The following CD99 variants were observed in gnomAD, a reference collection of about 807,000 sequenced individuals.
CD99 encodes the protein CD99 antigen.
In CD99, 19 loss-of-function variants were observed where a neutral mutation model predicts 28.4. The observed-to-expected ratio is 0.67, with a 90% CI of 0.47 to 0.98. CD99 has a LOEUF of 0.98. Ranked by LOEUF, CD99 falls within the 50% of genes least tolerant of loss-of-function variation. The probability of loss-of-function intolerance (pLI) is 0.00; values close to 1 mark genes in which losing one functional copy is unlikely to be tolerated. For synonymous variants in CD99, 103 were observed against 92.1 expected (o/e 1.12, Z -0.67); for missense variants, 283 against 248.8 (o/e 1.14, Z -0.92).
intron 8 of CD99, among the ~76,000 whole-genome samples, chrX:2,736,976 T>A (rs2049976875): frequency 6.6e-6 from 1 of 152,014 alleles, no homozygotes; most frequent in Non-Finnish European, 1.5e-5. Flanking sequence ...CTTGGCTGTC[T>A]TGTCCTTTGA....
intron 1 of CD99, chrX:2,691,708 T>G: frequency 1.4e-6 from 1 of 705,200 alleles, no homozygotes; most frequent in Non-Finnish European, 2.6e-6. Flanking sequence ...GCGTCCGATT[T>G]TTCCCAATCT....
chrX:2,720,318 A>G, intron 4 of CD99, 38 bp from the exon 5 acceptor site: 1 of 1,591,760 alleles, frequency 6.3e-7, no homozygotes, highest in South Asian at 1.1e-5. Context: ...CTTTACTGCA[A>G]GGCACTTAAA....
At chrX:2,738,491 A>C (rs1460734867) in intron 9 of CD99, among the ~76,000 whole-genome samples, 1 of 152,110 alleles carries the variant, frequency 6.6e-6, no homozygotes, top group Non-Finnish European at 1.5e-5. Flanking sequence ...GTCTCTGTTT[A>C]ACAAAATATT....
intron 1 of CD99, among the ~76,000 whole-genome samples, chrX:2,705,290 A>G (rs1433327099): frequency 6.6e-6 from 1 of 152,214 alleles, no homozygotes; most frequent in Non-Finnish European, 1.5e-5. Flanking sequence ...ATATGCAGTC[A>G]CTGGCACACA....
rs1396443584 is a variant in CD99, at chrX:2,733,562, T to C, written c.476-4638T>C. On this transcript the variant is annotated intron_variant, in intron 8 of 9. Coordinates refer to ENST00000381192, the MANE Select transcript of CD99 (RefSeq NM_002414.5). Reference sequence around the variant, plus strand: ...CTTCAGTTCCATATGCTTTTGCCTTTCTGGATGCACAGAAGCTCATTATAG... The same window carrying C: ...CTTCAGTTCCATATGCTTTTGCCTTCCTGGATGCACAGAAGCTCATTATAG... 11 of 605,960 alleles carry C rather than the reference T, an allele frequency of 1.8e-5. No homozygotes were observed. The East Asian group carries it at 3.0e-4, about 17-fold the overall frequency. 37.5% of individuals were successfully genotyped at this position (605,960 alleles called of 1,614,324 possible).
intron 1 of CD99, among the ~76,000 whole-genome samples, chrX:2,707,854 C>A (rs1376946297): frequency 6.6e-6 from 1 of 152,100 alleles, no homozygotes; most frequent in African/African-American, 2.4e-5. Flanking sequence ...CCCCGGAGGT[C>A]GTTTTCAGGA....
intron 9 of CD99, among the ~76,000 whole-genome samples, chrX:2,740,435 T>C (rs1387421636): frequency 2.0e-5 from 3 of 152,188 alleles, no homozygotes; most frequent in East Asian, 1.9e-4. Context: ...CCCAGCATCA[T>C]TGCAAATCAA....
chrX:2,740,837 CAGCAGGG>C lies in CD99; in HGVS notation c.*34_*40del. The C allele has an allele frequency of 6.2e-7, 1 of 1,613,608 alleles. No individual in the cohort carries two copies. The highest frequency in any genetic ancestry group is 8.5e-7 in the Non-Finnish European group (1 of 1,179,516). ...TCGGCAGAAACAGCCCAGGCGTTGG[CAGCAGGG>C]TTAGAACAGCTGCCTGAGGCTCCTC... On this transcript the variant is annotated 3_prime_UTR_variant, in exon 10 of 10. Transcript: ENST00000381192.
chrX:2,691,568 C>G lies in CD99; in HGVS notation c.67+141C>G, dbSNP rs770284929. 77 of 944,786 alleles carry G rather than the reference C, an allele frequency of 8.1e-5. 2 individuals carry two copies. Among genetic ancestry groups the G allele is most frequent in the Admixed American group, 3.6e-4 (18 of 50,250 alleles). 58.5% of individuals were successfully genotyped at this position (944,786 alleles called of 1,614,324 possible). A position where few individuals can be genotyped will look rare whatever the true frequency, so the allele number is the denominator to read the frequency against. ...TGCCCGGCAGGACGCGCTGTGCCCACGGGGGCCCAGGCCCGGAGGAGGCGC... is the reference window on the plus strand; with the variant it reads ...TGCCCGGCAGGACGCGCTGTGCCCAGGGGGGCCCAGGCCCGGAGGAGGCGC... On this transcript the variant is annotated intron_variant, in intron 1 of 9. Transcript: ENST00000381192.
At chrX:2,717,180 C>T (rs2048765178) in intron 2 of CD99, among the ~76,000 whole-genome samples, 1 of 152,022 alleles carries the variant, frequency 6.6e-6, no homozygotes, top group Admixed American at 6.6e-5. Context: ...AACCCCATCT[C>T]TGCTAAAAAT....
chrX:2,713,575 G>A lies in CD99; in HGVS notation c.68-847G>A, dbSNP rs894411239. Among the ~76,000 whole-genome samples, 31 of 152,222 alleles carry A rather than the reference G, an allele frequency of 2.0e-4. 1 individual carries two copies. The highest frequency in any genetic ancestry group is 1.2e-3 in the Admixed American group (18 of 15,276). On this transcript the variant is annotated intron_variant, in intron 1 of 9. Coordinates refer to ENST00000381192, the MANE Select transcript of CD99 (RefSeq NM_002414.5). ...ATACCCCTGTGACATATGCATGCAC[G>A]CTTCATTTATACATGCAGGAGCATA...
At chrX:2,721,391 G>A (rs56739590) in intron 5 of CD99, among the ~76,000 whole-genome samples, 3,386 of 152,010 alleles carry the variant, frequency 0.022, 128 homozygotes, top group African/African-American at 0.077. Flanking sequence ...CAACTCCTGG[G>A]CTAGAGAGAT....
At chrX:2,722,549 G>GT (rs2049044508) in intron 5 of CD99, 78 bp from the exon 6 acceptor site, 6 of 1,325,126 alleles carry the variant, frequency 4.5e-6, no homozygotes, top group Non-Finnish European at 6.5e-6. Flanking sequence ...GTTTTCATGA[G>GT]TTTTTCCTTT....
intron 1 of CD99, among the ~76,000 whole-genome samples, chrX:2,706,641 G>A (rs2048130154): frequency 6.6e-6 from 1 of 152,034 alleles, no homozygotes; most frequent in Non-Finnish European, 1.5e-5. Context: ...GGCCAGTGGC[G>A]GGTCTTCATC....
intron 8 of CD99, chrX:2,737,875 T>A (rs1365086232): frequency 7.8e-5 from 38 of 488,936 alleles, no homozygotes; most frequent in Non-Finnish European, 1.2e-4. Flanking sequence ...TTTTTTTTTT[T>A]TATAGAAAGA....
Position 2,723,303 on chromosome X carries a change from T to C in CD99, c.311-11T>C. 1 of 1,613,916 alleles carries C rather than the reference T, an allele frequency of 6.2e-7. No individual in the cohort carries two copies. On this transcript the variant is annotated splice_polypyrimidine_tract_variant and intron_variant, in intron 6 of 9. Transcript: ENST00000381192. ...AACCTTCCCATTGCAGACGTTGTTTTTGTCTTGCAGGAAAAGGAGGCAGTG... is the reference window on the plus strand; with the variant it reads ...AACCTTCCCATTGCAGACGTTGTTTCTGTCTTGCAGGAAAAGGAGGCAGTG...
At chrX:2,738,407 G>C (rs989568873) in intron 9 of CD99, 151 bp downstream of exon 9, 1 of 752,602 alleles carries the variant, frequency 1.3e-6, no homozygotes, top group Non-Finnish European at 2.3e-6. Context: ...GCTTTGGAGG[G>C]ATACTTTCAA....
At chrX:2,723,540 C>A in intron 7 of CD99, 176 bp downstream of exon 7, 2 of 695,510 alleles carry the variant, frequency 2.9e-6, no homozygotes, top group Non-Finnish European at 5.2e-6. Context: ...GGTCCCCCAG[C>A]AAACCAGCCC....
intron 9 of CD99, 137 bp downstream of exon 9, chrX:2,738,393 C>T (rs910386980): frequency 1.9e-5 from 16 of 822,346 alleles, no homozygotes; most frequent in Admixed American, 3.9e-5. Context: ...CTTTATGTCT[C>T]GTTGCTTTGG....
Sources: allele counts gnomAD v4.1 joint callset (sites outside exome capture counted in the v4.1 genomes callset), GRCh38; gene constraint gnomAD v4.1.1; transcripts MANE v1.5; gene names NCBI Gene and HGNC (gene_info 2026-07-23, HGNC 2026-07-21).